POU6F2: variants seen among roughly 807,000 people sequenced by gnomAD.
POU6F2 encodes POU class 6 homeobox 2, also known as POU domain, class 6, transcription factor 2.
In POU6F2, 31 loss-of-function variants were observed where a neutral mutation model predicts 71.3. The ratio of observed to expected loss-of-function variants is 0.43; its 90% CI spans 0.33 to 0.59. The LOEUF (loss-of-function observed/expected upper bound fraction) is 0.59. Among genes scored for constraint, POU6F2 ranks in the 20% least tolerant of loss-of-function variants. POU6F2 has a pLI of 0.04. For missense variants in POU6F2, 783 were observed against 856.8 expected, an observed-to-expected ratio of 0.91 and a Z score of 1.07; for synonymous variants, 347 against 355.7, an observed-to-expected ratio of 0.98 and a Z score of 0.27.
At chr7:39,064,790 C>CA (rs1182688635) in intron 1 of POU6F2, among the ~76,000 whole-genome samples, 2 of 151,298 alleles carry the variant, frequency 1.3e-5, no homozygotes, top group African/African-American at 4.8e-5. Context: ...AAAACTCAAA[C>CA]AAAAAAACCC....
chr7:39,090,056 A>C (rs17171533), intron 2 of POU6F2, among the ~76,000 whole-genome samples: 6,415 of 152,022 alleles, frequency 0.042, 438 homozygotes, highest in African/African-American at 0.14. Flanking sequence ...CATCCAAAGT[A>C]AAAAATTTGT....
chr7:39,108,268 C>A (rs1791732672), intron 2 of POU6F2, among the ~76,000 whole-genome samples: 1 of 142,792 alleles, frequency 7.0e-6, no homozygotes, highest in African/African-American at 2.5e-5. Flanking sequence ...TGAAATGTTT[C>A]CCTTCAATTA....
At chr7:39,399,573 G>A (rs986527878) in intron 5 of POU6F2, among the ~76,000 whole-genome samples, 4 of 152,230 alleles carry the variant, frequency 2.6e-5, no homozygotes, top group South Asian at 4.1e-4. Flanking sequence ...CAAGGTCTGG[G>A]TTGGGCCCAG....
At chr7:39,454,548 G>A (rs1788738347) in intron 8 of POU6F2, among the ~76,000 whole-genome samples, 1 of 149,970 alleles carries the variant, frequency 6.7e-6, no homozygotes, top group Non-Finnish European at 1.5e-5. Flanking sequence ...AAGAAGTGGG[G>A]TCAAAGACTA....
intron 2 of POU6F2, among the ~76,000 whole-genome samples, chr7:39,197,403 T>A (rs1793809955): frequency 6.6e-6 from 1 of 152,228 alleles, no homozygotes; most frequent in Non-Finnish European, 1.5e-5. Context: ...AGGGATTGAT[T>A]TACCAGCCGC....
intron 4 of POU6F2, among the ~76,000 whole-genome samples, chr7:39,256,076 G>A (rs993381691): frequency 3.3e-5 from 5 of 151,958 alleles, no homozygotes; most frequent in African/African-American, 1.2e-4. Context: ...CCTTTCCCGG[G>A]TACATTCCTT....
intron 6 of POU6F2, among the ~76,000 whole-genome samples, chr7:39,428,521 A>T (rs1788023673): frequency 6.6e-6 from 1 of 152,234 alleles, no homozygotes; most frequent in Non-Finnish European, 1.5e-5. Context: ...CAGGGCAATA[A>T]CTTAACTGAA....
chr7:39,383,317 T>G (rs1786868584), intron 5 of POU6F2, among the ~76,000 whole-genome samples: 1 of 152,216 alleles, frequency 6.6e-6, no homozygotes, highest in African/African-American at 2.4e-5. Context: ...AAAATCCTGG[T>G]GATCTGATGT....
chr7:39,035,483 C>G (rs1480589491), intron 1 of POU6F2, among the ~76,000 whole-genome samples: 2 of 152,124 alleles, frequency 1.3e-5, no homozygotes, highest in African/African-American at 2.4e-5. Flanking sequence ...ATGAAGGACT[C>G]TTCTTTTGGT....
In POU6F2 at chr7:39,339,779, C is replaced by A. The variant is rs1190050372; in HGVS notation, c.736C>A (p.Gln246Lys). 6.3e-7 allele frequency: 1 copy of A among 1,577,990 alleles called. No homozygotes were observed. Among genetic ancestry groups the A allele is most frequent in the Non-Finnish European group, 8.6e-7 (1 of 1,162,512 alleles). ...PAPQAPSQSQQQPLQPTPPQQ... is the reference protein window; with the variant it reads ...PAPQAPSQSQKQPLQPTPPQQ... The stretch of plus-strand genomic sequence containing the variant: ...CCCACAGGCGCCCTCGCAGTCCCAG[C>A]AGCAGCCGCTGCAGCCCACCCCACC... Residue 246 changes from glutamine (Q) to lysine (K), a missense_variant, in exon 5 of 10, where the codon CAG becomes AAG. Transcript: ENST00000518318.
intron 5 of POU6F2, among the ~76,000 whole-genome samples, chr7:39,374,667 G>A (rs370568828): frequency 5.9e-5 from 9 of 152,144 alleles, no homozygotes; most frequent in East Asian, 3.8e-4. Context: ...GAAAGGAACC[G>A]TCAGTCAACC....
intron 2 of POU6F2, among the ~76,000 whole-genome samples, chr7:39,175,484 A>G (rs1026520683): frequency 6.6e-6 from 1 of 152,186 alleles, no homozygotes; most frequent in African/African-American, 2.4e-5. Flanking sequence ...TCTAGGGCCT[A>G]CTTGTCCCTT....
intron 2 of POU6F2, among the ~76,000 whole-genome samples, chr7:39,199,874 C>T (rs1301874292): frequency 6.6e-6 from 1 of 152,158 alleles, no homozygotes; most frequent in African/African-American, 2.4e-5. Flanking sequence ...CCATTTATGA[C>T]CTATCATTTC....
In POU6F2 at chr7:39,079,984, C is replaced by T. The variant is rs141955077; in HGVS notation, c.106-5876C>T. Among the ~76,000 whole-genome samples, 5 of 152,100 alleles carry T rather than the reference C, an allele frequency of 3.3e-5. No homozygotes were observed. The East Asian group carries it at 9.6e-4, about 29-fold the overall frequency. ...AAGTGAAATTTAAAATAAAATAATCCGTTGTGGGTGAATTTATAATACTTT... is the reference window on the plus strand; with the variant it reads ...AAGTGAAATTTAAAATAAAATAATCTGTTGTGGGTGAATTTATAATACTTT... On this transcript the variant is annotated intron_variant, in intron 1 of 9. Coordinates refer to ENST00000518318, the MANE Select transcript of POU6F2 (RefSeq NM_001370959.1).
At chr7:39,411,417 C>T (rs1787546173) in intron 6 of POU6F2, among the ~76,000 whole-genome samples, 1 of 152,172 alleles carries the variant, frequency 6.6e-6, no homozygotes, top group Non-Finnish European at 1.5e-5. Flanking sequence ...AAGCATTCTA[C>T]ATTTTAACTG....
At chr7:39,315,535 T>C (rs1785247617) in intron 4 of POU6F2, among the ~76,000 whole-genome samples, 1 of 152,208 alleles carries the variant, frequency 6.6e-6, no homozygotes, top group Non-Finnish European at 1.5e-5. Flanking sequence ...TGGTTTATGG[T>C]CAGTTCCCAC....
chr7:39,399,782 C>G lies in POU6F2; in HGVS notation c.973-6818C>G, dbSNP rs142102825. Among the ~76,000 whole-genome samples, 299 of 150,994 alleles carry G rather than the reference C, an allele frequency of 2.0e-3. 3 individuals are homozygous for G. The highest frequency in any genetic ancestry group is 6.4e-3 in the African/African-American group (264 of 41,044). Reference sequence around the variant, plus strand: ...GGAGGATGGCTTCAGCCCCAGAGTTCGAGGCCACAGTGAATTAGGATTGGA... The same window carrying G: ...GGAGGATGGCTTCAGCCCCAGAGTTGGAGGCCACAGTGAATTAGGATTGGA... On this transcript the variant is annotated intron_variant, in intron 5 of 9. Coordinates refer to ENST00000518318, the MANE Select transcript of POU6F2 (RefSeq NM_001370959.1).
intron 4 of POU6F2, among the ~76,000 whole-genome samples, chr7:39,259,746 G>A (rs560321992): frequency 2.8e-3 from 429 of 152,086 alleles, no homozygotes; most frequent in African/African-American, 9.6e-3. Context: ...TGGCCTCCTC[G>A]TCCTCTCCAA....
At chr7:39,095,333 C>T (rs1584539666) in intron 2 of POU6F2, among the ~76,000 whole-genome samples, 1 of 152,152 alleles carries the variant, frequency 6.6e-6, no homozygotes, top group South Asian at 2.1e-4. Context: ...ATATCCTGTA[C>T]TCCTAGTAAT....
Sources: gnomAD v4.1 joint callset for allele counts (sites outside exome capture counted in the v4.1 genomes callset) on GRCh38, gnomAD v4.1.1 for gene constraint, MANE v1.5 for transcripts, NCBI Gene and HGNC (gene_info 2026-07-23, HGNC 2026-07-21) for gene names.